The following ABCC5 variants were observed in gnomAD, a reference collection of about 807,000 sequenced individuals.
ABCC5 encodes ATP binding cassette subfamily C member 5, also known as ATP-binding cassette sub-family C member 5.
Under a neutral mutation model 160.9 loss-of-function variants are expected in ABCC5, and 61 were observed. That is an observed-to-expected ratio of 0.38 (90% CI 0.31 to 0.47). The LOEUF is 0.47. Among genes scored for constraint, ABCC5 ranks in the 20% least tolerant of loss-of-function variants. The pLI, the probability that ABCC5 is intolerant of heterozygous loss-of-function variation, is 0.99. For synonymous variants in ABCC5, 666 were observed against 700.6 expected (o/e 0.95, Z 0.78); for missense variants, 1,308 against 1,813.3 (o/e 0.72, Z 5.06).
At chr3:183,947,285 C>T in intron 23 of ABCC5, 39 bp downstream of exon 23, 2 of 1,539,564 alleles carry the variant, frequency 1.3e-6, no homozygotes, top group African/African-American at 1.4e-5. Flanking sequence ...AGGAAGGGCT[C>T]AAACAAGCAA....
In ABCC5 at chr3:183,921,292, G is replaced by T. The variant is rs1257996873; in HGVS notation, c.*8C>A. The T allele has an allele frequency of 1.3e-6, 2 of 1,485,218 alleles. No individual in the cohort carries two copies. Among genetic ancestry groups the T allele is most frequent in the South Asian group, 1.1e-5 (1 of 87,260 alleles). The allele number at this position is 1,485,218 out of a possible 1,614,324, so 92.0% of individuals were successfully genotyped here. A position where few individuals can be genotyped will look rare whatever the true frequency, so the allele number is the denominator to read the frequency against. On this transcript the variant is annotated 3_prime_UTR_variant, in exon 30 of 30. Coordinates refer to ENST00000334444, the MANE Select transcript of ABCC5 (RefSeq NM_005688.4). This position sits in a 1 kb window ranked among gnomAD's most constrained non-coding sequence, Gnocchi z 4.1. ...CTAAAGAAAAGAGACTTCGTCAACA[G>T]GGAGGAGTCAGCCCTTGACAGCGAC... is the stretch of plus-strand genomic sequence containing the variant.
intron 17 of ABCC5, among the ~76,000 whole-genome samples, chr3:183,954,583 G>T (rs1715694025): frequency 6.6e-6 from 1 of 152,188 alleles, no homozygotes; most frequent in South Asian, 2.1e-4. Context: ...AGTTTCGGGA[G>T]GTAAATTCAG....
intron 10 of ABCC5, among the ~76,000 whole-genome samples, chr3:183,972,339 G>A (rs1270038859): frequency 6.6e-6 from 1 of 152,186 alleles, no homozygotes; most frequent in Non-Finnish European, 1.5e-5. Context: ...CCCTCCTGCA[G>A]AATGCCAAAG....
chr3:183,951,441 C>G lies in ABCC5; in HGVS notation c.2944G>C (p.Val982Leu), dbSNP rs1368616268. The change falls in exon 20 of 30, where the codon GTT becomes CTT. Residue 982 changes from valine to leucine, a missense_variant and splice_region_variant. By Grantham distance (32) the Val-to-Leu change is conservative. Around this residue, in one of 3 missense-constraint regions of ABCC5, gnomAD observed 1,142 missense variants for 1,527.1 expected, o/e 0.75. Coordinates refer to ENST00000334444, the MANE Select transcript of ABCC5 (RefSeq NM_005688.4). The surrounding 1 kb of genome is among the most constrained non-coding windows in gnomAD (Gnocchi z 4.7). ...TAAAAAAAGGCTCAGTGAGAAATAC[C>G]TTCATCCATGTCTTTGGAAAACCTG... ...LNRFSKDMDE[V>L]DVRLPFQAEM... is the part of the protein sequence containing the mutation. 1.9e-6 allele frequency: 3 copies of G among 1,613,938 alleles called. No homozygotes were observed. The highest frequency in any genetic ancestry group is 2.5e-6 in the Non-Finnish European group (3 of 1,179,992).
intron 26 of ABCC5, among the ~76,000 whole-genome samples, chr3:183,936,994 T>C (rs1713791273): frequency 6.6e-6 from 1 of 152,164 alleles, no homozygotes; most frequent in Admixed American, 6.5e-5. Context: ...TTTCAAAAAG[T>C]GACATAATTC....
chr3:183,934,679 T>C (rs1460717494), intron 26 of ABCC5, among the ~76,000 whole-genome samples: 3 of 152,224 alleles, frequency 2.0e-5, no homozygotes, highest in Non-Finnish European at 4.4e-5. Context: ...TCTTTTAACA[T>C]TTTATATAAT....
At chr3:183,947,648 T>C (rs1714971814) in intron 22 of ABCC5, 138 bp from the exon 23 acceptor site, 1 of 690,442 alleles carries the variant, frequency 1.4e-6, no homozygotes, top group Non-Finnish European at 2.3e-6. Flanking sequence ...CCCTGGAAAC[T>C]CCAGGAGGGT....
chr3:183,946,080 T>C (rs1560483207), intron 23 of ABCC5, 141 bp from the exon 24 acceptor site: 2 of 786,966 alleles, frequency 2.5e-6, no homozygotes, highest in Non-Finnish European at 2.2e-6. Flanking sequence ...GTCATTCTCT[T>C]GGCTTTTAAG....
chr3:183,971,191 A>G (rs1031580137), intron 11 of ABCC5, among the ~76,000 whole-genome samples: 1 of 152,220 alleles, frequency 6.6e-6, no homozygotes, highest in African/African-American at 2.4e-5. Context: ...AATACCTATC[A>G]TGTGCCAGGT....
intron 18 of ABCC5, 138 bp from the exon 19 acceptor site, chr3:183,952,141 C>CCA: frequency 7.9e-6 from 5 of 633,222 alleles, no homozygotes; most frequent in African/African-American, 2.1e-5. Context: ...GCTTTGTCCA[C>CCA]CTCTTTTTTT....
At chr3:183,955,123 T>G (rs1032556187) in intron 17 of ABCC5, among the ~76,000 whole-genome samples, 9 of 152,182 alleles carry the variant, frequency 5.9e-5, no homozygotes, top group Non-Finnish European at 1.3e-4. Flanking sequence ...CAGATGTGAA[T>G]GTCTCCTATC....
At chr3:183,995,643 C>T (rs559833095) in intron 2 of ABCC5, among the ~76,000 whole-genome samples, 80 of 152,204 alleles carry the variant, frequency 5.3e-4, no homozygotes, top group Middle Eastern at 3.4e-3. Flanking sequence ...ATTTGTCTAC[C>T]CCTACATTGA....
chr3:183,962,285 A>AT (rs1173328900), intron 15 of ABCC5, among the ~76,000 whole-genome samples: 2 of 152,292 alleles, frequency 1.3e-5, no homozygotes, highest in East Asian at 3.9e-4. Flanking sequence ...TTTCAATACT[A>AT]TGCTGAAAGT....
intron 2 of ABCC5, among the ~76,000 whole-genome samples, chr3:184,007,596 C>T (rs975605670): frequency 1.3e-5 from 2 of 151,912 alleles, no homozygotes; most frequent in Non-Finnish European, 2.9e-5. Flanking sequence ...GAGGCTGAGG[C>T]GGAGGGATCA....
In ABCC5 at chr3:183,982,641, G is replaced by A. The variant is rs73884814; in HGVS notation, c.826-17C>T. On this transcript the variant is annotated splice_polypyrimidine_tract_variant and intron_variant, in intron 6 of 29. Coordinates refer to ENST00000334444, the MANE Select transcript of ABCC5 (RefSeq NM_005688.4). This position sits in a 1 kb window ranked among gnomAD's most constrained non-coding sequence, Gnocchi z 5.2. ...GTTGATGAGCTATAAGATACAAAGA[G>A]TAGTGAGGGGACCCTGCAAGGACAC... 2.0e-5 allele frequency: 33 copies of A among 1,613,646 alleles called. No homozygotes were observed. In the African/African-American group the frequency reaches 3.6e-4, roughly 18 times the overall value.
chr3:183,940,565 T>C (rs2108779614), intron 25 of ABCC5, among the ~76,000 whole-genome samples: 1 of 151,306 alleles, frequency 6.6e-6, no homozygotes, highest in East Asian at 2.0e-4. Flanking sequence ...ACATTCCCTC[T>C]GGGCCGAGGC....
At position 183,982,931 on chromosome 3, in the gene ABCC5, A is replaced by G; in HGVS notation, c.668T>C (p.Leu223Pro). The change falls in exon 6 of 30, where the codon CTG (leucine) becomes CCG (proline). Residue 223 changes from leucine to proline, a missense_variant. Leu to Pro is a moderately conservative substitution (Grantham distance 98, BLOSUM62 -3). This residue lies in a region of ABCC5 where 1,142 missense variants were observed against 1,527.1 expected (regional missense o/e 0.75). Coordinates refer to ENST00000334444, the MANE Select transcript of ABCC5 (RefSeq NM_005688.4). The surrounding 1 kb of genome is among the most constrained non-coding windows in gnomAD (Gnocchi z 5.2). ...CACGATTTCCGTCAGGAGGAGGCCC[A>G]GCACTAACAACAAGCTGTACTGCAG... ...SNLQYSLLLV[L>P]GLLLTEIVRS... is the part of the protein sequence containing the mutation. 6.2e-7 allele frequency: 1 copy of G among 1,614,266 alleles called. No individual in the cohort carries two copies. The highest frequency in any genetic ancestry group is 8.5e-7 in the Non-Finnish European group (1 of 1,180,056).
In ABCC5 at chr3:183,947,407, T is replaced by C; in HGVS notation, c.3331A>G (p.Thr1111Ala). 6.2e-7 allele frequency: 1 copy of C among 1,613,266 alleles called. No homozygotes were observed. Among genetic ancestry groups the C allele is most frequent in the Non-Finnish European group, 8.5e-7 (1 of 1,179,836 alleles). Residue 1111 changes from threonine (T) to alanine (A), a missense_variant, in exon 23 of 30, where the codon ACC becomes GCC. Physicochemically the swap from Thr to Ala is moderately conservative, Grantham distance 58. Around this residue, in one of 3 missense-constraint regions of ABCC5, gnomAD observed 1,142 missense variants for 1,527.1 expected, o/e 0.75. Transcript: ENST00000334444. ...RLDLISIALI[T>A]TTGLMIVLMH... is the part of the protein sequence containing the mutation. Reference sequence around the variant, plus strand: ...AGAACGATCATCAGCCCCGTGGTGGTGATGAGGGCGATGCTGATGAGGTCC... The same window carrying C: ...AGAACGATCATCAGCCCCGTGGTGGCGATGAGGGCGATGCTGATGAGGTCC...
At chr3:183,967,621 A>C in intron 12 of ABCC5, 74 bp downstream of exon 12, 1 of 1,326,244 alleles carries the variant, frequency 7.5e-7, no homozygotes, top group Non-Finnish European at 1.1e-6. Flanking sequence ...ACTCTCCAGG[A>C]AATTTGTTCG....
Sources: gnomAD v4.1 joint callset for allele counts (sites outside exome capture counted in the v4.1 genomes callset) on GRCh38, gnomAD v4.1.1 for gene constraint, gnomAD v4.1.1 regional missense constraint, Gnocchi (gnomAD v3.1) non-coding constraint, MANE v1.5 for transcripts, NCBI Gene and HGNC (gene_info 2026-07-23, HGNC 2026-07-21) for gene names.